Variants in CAMK1D observed in about 807,000 individuals in gnomAD.
CAMK1D encodes calcium/calmodulin-dependent protein kinase type 1D.
Under a neutral mutation model 47.7 loss-of-function variants are expected in CAMK1D, and 9 were observed. That is an observed-to-expected ratio of 0.19 (90% confidence interval 0.11 to 0.33). The LOEUF (loss-of-function observed/expected upper bound fraction) is 0.33, where lower values mean the gene tolerates loss of function less well. Ranked by LOEUF, CAMK1D falls within the 10% of genes least tolerant of loss-of-function variation. The pLI, the probability that CAMK1D is intolerant of heterozygous loss-of-function variation, is 1.00. For missense variants in CAMK1D, 291 were observed against 488.7 expected (o/e 0.60, Z 3.81); for synonymous variants, 184 against 184.9 (o/e 0.99, Z 0.04).
chr10:12,460,094 G>T (rs1224441802), intron 1 of CAMK1D, among the ~76,000 whole-genome samples: 1 of 152,006 alleles, frequency 6.6e-6, no homozygotes, highest in African/African-American at 2.4e-5. Flanking sequence ...TTTTCAGGGT[G>T]AAAAAAATGC....
intron 3 of CAMK1D, among the ~76,000 whole-genome samples, chr10:12,678,455 T>C (rs1840884338): frequency 6.6e-6 from 1 of 152,244 alleles, no homozygotes; most frequent in African/African-American, 2.4e-5. Flanking sequence ...ACAATGTGTA[T>C]TTTCCTGTTG....
intron 1 of CAMK1D, among the ~76,000 whole-genome samples, chr10:12,485,274 G>A (rs1834179742): frequency 6.6e-6 from 1 of 152,306 alleles, no homozygotes; most frequent in South Asian, 2.1e-4. Context: ...AGACGTGGCT[G>A]CCTCTCGGCT....
chr10:12,640,938 C>A (rs569370153), intron 2 of CAMK1D, among the ~76,000 whole-genome samples: 2 of 152,240 alleles, frequency 1.3e-5, no homozygotes, highest in East Asian at 3.9e-4. Context: ...TTACAGATGT[C>A]TTTTGGCTTA....
chr10:12,678,195 T>C (rs550327448), intron 3 of CAMK1D, among the ~76,000 whole-genome samples: 1 of 152,306 alleles, frequency 6.6e-6, no homozygotes, highest in East Asian at 1.9e-4. Context: ...CATTTTGGTA[T>C]GTTGTGTTTT....
intron 2 of CAMK1D, among the ~76,000 whole-genome samples, chr10:12,649,262 G>A (rs1315720231): frequency 1.3e-5 from 2 of 152,228 alleles, no homozygotes; most frequent in African/African-American, 4.8e-5. Flanking sequence ...TTGACTCTGC[G>A]CTGTGTTGTC....
At chr10:12,527,511 C>T (rs113508927) in intron 1 of CAMK1D, among the ~76,000 whole-genome samples, 27,554 of 151,904 alleles carry the variant, frequency 0.18, 3,258 homozygotes, top group South Asian at 0.27. Context: ...TGCGCCACCA[C>T]GCCCGGCTAA....
intron 1 of CAMK1D, among the ~76,000 whole-genome samples, chr10:12,392,743 T>C (rs11257765): frequency 0.25 from 37,386 of 152,040 alleles, 5,262 homozygotes; most frequent in South Asian, 0.31. Context: ...AATAGATCTC[T>C]CGAACTTTTT....
chr10:12,473,620 G>A (rs778045498), intron 1 of CAMK1D, among the ~76,000 whole-genome samples: 74 of 152,132 alleles, frequency 4.9e-4, no homozygotes, highest in Non-Finnish European at 7.1e-4. Context: ...ATTTGTTGAG[G>A]TCACCTGGCA....
In CAMK1D at chr10:12,407,917, G is replaced by A. The variant is rs2131934764; in HGVS notation, c.92+58007G>A. 1.4e-5 allele frequency among the ~76,000 whole-genome samples: 2 copies of A among 147,246 alleles called. 1 individual carries two copies. The highest frequency in any genetic ancestry group is 4.3e-4 in the South Asian group (2 of 4,662). ...CTGTCACCCAGGCTGGAGTGCAGTG[G>A]TGCAATCTTGGCTCACTGCAGCCTC... On this transcript the variant is annotated intron_variant, in intron 1 of 10. Coordinates refer to ENST00000619168, the MANE Select transcript of CAMK1D (RefSeq NM_153498.4).
At chr10:12,747,614 C>A (rs1189665887) in intron 3 of CAMK1D, among the ~76,000 whole-genome samples, 1 of 152,168 alleles carries the variant, frequency 6.6e-6, no homozygotes, top group Non-Finnish European at 1.5e-5. Flanking sequence ...AGGCATGAGC[C>A]ACTGCACCTC....
At chr10:12,715,783 CA>C (rs1457596858) in intron 3 of CAMK1D, among the ~76,000 whole-genome samples, 1 of 146,710 alleles carries the variant, frequency 6.8e-6, no homozygotes, top group African/African-American at 2.5e-5. Context: ...TGCAGTGGTG[CA>C]ATCTCGGCTC....
At chr10:12,522,205 T>C (rs1224714606) in intron 1 of CAMK1D, among the ~76,000 whole-genome samples, 1 of 148,252 alleles carries the variant, frequency 6.7e-6, no homozygotes, top group Non-Finnish European at 1.5e-5. Flanking sequence ...TTTTTTCTTT[T>C]TTTTTTTTTT....
At chr10:12,525,467 T>G (rs11257864) in intron 1 of CAMK1D, among the ~76,000 whole-genome samples, 42,451 of 152,060 alleles carry the variant, frequency 0.28, 6,157 homozygotes, top group East Asian at 0.38. Context: ...TCTTCCAGTT[T>G]GAGTCATTTT....
At chr10:12,621,669 T>G (rs1414954747) in intron 2 of CAMK1D, among the ~76,000 whole-genome samples, 1 of 152,236 alleles carries the variant, frequency 6.6e-6, no homozygotes, top group Non-Finnish European at 1.5e-5. Context: ...ATTTTCTTTA[T>G]TTTGAGTGAT....
chr10:12,461,205 G>C (rs1833411166), intron 1 of CAMK1D, among the ~76,000 whole-genome samples: 1 of 152,178 alleles, frequency 6.6e-6, no homozygotes, highest in Non-Finnish European at 1.5e-5. Context: ...CTGTACTCAA[G>C]GATGTAGAAA....
intron 1 of CAMK1D, among the ~76,000 whole-genome samples, chr10:12,486,021 G>A (rs939243842): frequency 6.6e-5 from 10 of 152,128 alleles, no homozygotes; most frequent in African/African-American, 2.4e-4. Context: ...AGAGAGTCTC[G>A]TCTCCAGCTT....
At chr10:12,798,163 G>C (rs1057094151) in intron 6 of CAMK1D, among the ~76,000 whole-genome samples, 3 of 152,212 alleles carry the variant, frequency 2.0e-5, no homozygotes, top group Non-Finnish European at 2.9e-5. Flanking sequence ...AGGCCAGATG[G>C]AGAAACATTT....
chr10:12,781,547 T>C (rs921356655), intron 5 of CAMK1D, among the ~76,000 whole-genome samples: 5 of 152,204 alleles, frequency 3.3e-5, no homozygotes, highest in Admixed American at 3.3e-4. Flanking sequence ...CAGATGAGAA[T>C]GGTAATTACA....
At chr10:12,817,343 A>C (rs889773456) in intron 8 of CAMK1D, among the ~76,000 whole-genome samples, 1 of 152,258 alleles carries the variant, frequency 6.6e-6, no homozygotes, top group Non-Finnish European at 1.5e-5. Flanking sequence ...CTCATTAGTT[A>C]AATGAAGTTA....
Sources: gnomAD v4.1 joint callset for allele counts (sites outside exome capture counted in the v4.1 genomes callset) on GRCh38, gnomAD v4.1.1 for gene constraint, MANE v1.5 for transcripts, NCBI Gene and HGNC (gene_info 2026-07-23, HGNC 2026-07-21) for gene names.